Variants in CHST11 observed in about 807,000 individuals in gnomAD.
CHST11 encodes the protein carbohydrate sulfotransferase 11, also known as C4S-1.
A neutral mutation model predicts 30.4 loss-of-function variants in CHST11; 9 were observed. That is an observed-to-expected ratio of 0.30 (90% CI 0.18 to 0.52). The LOEUF is 0.52. Among genes scored for constraint, CHST11 ranks in the 20% least tolerant of loss-of-function variants. The pLI is 0.97. For missense variants in CHST11, 348 were observed against 460.6 expected, an observed-to-expected ratio of 0.76 and a Z score of 2.24; for synonymous variants, 152 against 187.8, an observed-to-expected ratio of 0.81 and a Z score of 1.56.
Position 104,663,227 on chromosome 12 carries a change from G to A in CHST11, c.204+61236G>A, listed in dbSNP as rs577995835. ...CTCACCTCCGTGCGACTTCCATCTCGTGACGTTCTACTGAATCTGTGATTT... is the reference window on the plus strand; with the variant it reads ...CTCACCTCCGTGCGACTTCCATCTCATGACGTTCTACTGAATCTGTGATTT... On this transcript the variant is annotated intron_variant, in intron 2 of 2. Transcript: ENST00000303694. Among the ~76,000 whole-genome samples the A allele has an allele frequency of 1.2e-4, 18 of 152,304 alleles. No individual in the cohort carries two copies. In the South Asian group the frequency reaches 3.7e-3, roughly 32 times the overall value.
At chr12:104,599,424 C>A (rs1410611909) in intron 1 of CHST11, among the ~76,000 whole-genome samples, 1 of 152,212 alleles carries the variant, frequency 6.6e-6, no homozygotes, top group Non-Finnish European at 1.5e-5. Context: ...TTTAATCTTG[C>A]CCGGCATGGG....
chr12:104,541,114 CCT>C (rs67646775), intron 1 of CHST11, among the ~76,000 whole-genome samples: 6,847 of 147,558 alleles, frequency 0.046, 210 homozygotes, highest in African/African-American at 0.096. Context: ...AGAATCTCTC[CCT>C]CTCTCTCTCT....
At chr12:104,659,233 G>A (rs2039574238) in intron 2 of CHST11, among the ~76,000 whole-genome samples, 1 of 152,206 alleles carries the variant, frequency 6.6e-6, no homozygotes, top group Non-Finnish European at 1.5e-5. Flanking sequence ...GTGACTTTGG[G>A]CAAGTGATGT....
intron 1 of CHST11, among the ~76,000 whole-genome samples, chr12:104,501,273 G>A (rs2037851343): frequency 6.6e-6 from 1 of 152,164 alleles, no homozygotes; most frequent in Admixed American, 6.5e-5. Flanking sequence ...ACAACCTGCT[G>A]CCTGGGAGTT....
At chr12:104,592,402 G>T (rs926654993) in intron 1 of CHST11, among the ~76,000 whole-genome samples, 2 of 152,134 alleles carry the variant, frequency 1.3e-5, no homozygotes, top group Non-Finnish European at 2.9e-5. Context: ...CTGCTTTCTG[G>T]TTCATAGACA....
chr12:104,594,224 C>A (rs1316369114), intron 1 of CHST11, among the ~76,000 whole-genome samples: 5 of 152,034 alleles, frequency 3.3e-5, no homozygotes, highest in Non-Finnish European at 7.4e-5. Flanking sequence ...GGACCTCTGG[C>A]CATTCTGTCC....
chr12:104,504,245 A>T (rs578029034), intron 1 of CHST11, among the ~76,000 whole-genome samples: 3 of 152,164 alleles, frequency 2.0e-5, no homozygotes, highest in Admixed American at 2.0e-4. Context: ...GAAAAGTCCC[A>T]TTTCTCCCCG....
intron 2 of CHST11, among the ~76,000 whole-genome samples, chr12:104,640,008 AAATT>A (rs2039360368): frequency 6.6e-6 from 1 of 152,260 alleles, no homozygotes; most frequent in Non-Finnish European, 1.5e-5. Context: ...AGGGAATTAC[AAATT>A]AAAACAAAAA....
At chr12:104,688,571 A>T (rs1172318193) in intron 2 of CHST11, among the ~76,000 whole-genome samples, 1 of 152,266 alleles carries the variant, frequency 6.6e-6, no homozygotes, top group Admixed American at 6.5e-5. Flanking sequence ...ATGTTAAAAC[A>T]TCAACCTGAA....
chr12:104,610,655 A>G (rs1229228246), intron 2 of CHST11, among the ~76,000 whole-genome samples: 3 of 152,348 alleles, frequency 2.0e-5, no homozygotes, highest in South Asian at 2.1e-4. Flanking sequence ...ACCTTGTCAG[A>G]ATGGATAGAA....
rs551135926 is a variant in CHST11 at position 104,646,489 on chromosome 12, T to C, written c.204+44498T>C. Among the ~76,000 whole-genome samples, 54 of 152,230 alleles carry C rather than the reference T, an allele frequency of 3.5e-4. 1 individual carries two copies. The highest frequency in any genetic ancestry group is 9.2e-4 in the Admixed American group (14 of 15,296). On this transcript the variant is annotated intron_variant, in intron 2 of 2. Coordinates refer to ENST00000303694, the MANE Select transcript of CHST11 (RefSeq NM_018413.6). The stretch of plus-strand genomic sequence containing the variant: ...TGGCTCACCCCTGTAATCCCAGCAC[T>C]TTGGGAGGCCGAGGTGGGTGGATCA...
chr12:104,592,079 G>A (rs1264895218), intron 1 of CHST11, among the ~76,000 whole-genome samples: 5 of 151,230 alleles, frequency 3.3e-5, no homozygotes, highest in Non-Finnish European at 7.4e-5. Context: ...TTTAATACCT[G>A]GCACCTCCTC....
At position 104,590,354 on chromosome 12, in the gene CHST11, G is replaced by A. The variant is rs770673325; in HGVS notation, c.119-11552G>A. ...TATATGTTTTTTAAATAAGTACCTC[G>A]GATGACTCTTATCAGGAAAGTTTAG... On this transcript the variant is annotated intron_variant, in intron 1 of 2. Coordinates refer to ENST00000303694, the MANE Select transcript of CHST11 (RefSeq NM_018413.6). Among the ~76,000 whole-genome samples, 8 of 152,134 alleles carry A rather than the reference G, an allele frequency of 5.3e-5. No individual in the cohort carries two copies. The East Asian group carries it at 7.7e-4, about 15-fold the overall frequency.
chr12:104,678,591 A>G (rs1390449934), intron 2 of CHST11, among the ~76,000 whole-genome samples: 1 of 152,248 alleles, frequency 6.6e-6, no homozygotes, highest in African/African-American at 2.4e-5. Flanking sequence ...ATTCAGGTAT[A>G]CTGGAGGTAT....
In CHST11 at chr12:104,686,232, T is replaced by TAAAAAAAAAAAAAAAAAAA. The variant is rs55789725; in HGVS notation, c.205-70700_205-70699insAAAAAAAAAAAAAAAAAAA. ...GATCACAAAGGGAGAACTCACCTCT[T>TAAAAAAAAAAAAAAAAAAA]AAAAAAAAAAAAAAAAAGACAACAT... On this transcript the variant is annotated intron_variant, in intron 2 of 2. Transcript: ENST00000303694. Among the ~76,000 whole-genome samples the TAAAAAAAAAAAAAAAAAAA allele has an allele frequency of 5.2e-4, 52 of 99,114 alleles. 3 individuals carry two copies. The highest frequency in any genetic ancestry group is 1.6e-3 in the African/African-American group (46 of 29,676). The allele number at this position is 99,114 out of a possible 152,430, so 65.0% of individuals were successfully genotyped here.
chr12:104,648,153 T>C lies in CHST11; in HGVS notation c.204+46162T>C, dbSNP rs555689207. On this transcript the variant is annotated intron_variant, in intron 2 of 2. Transcript: ENST00000303694. ...GAGACACCTCAGAGGCTGACTACTGTGTATCCTCTTTCTGCAATAATTGCT... is the reference window on the plus strand; with the variant it reads ...GAGACACCTCAGAGGCTGACTACTGCGTATCCTCTTTCTGCAATAATTGCT... Among the ~76,000 whole-genome samples the C allele has an allele frequency of 2.6e-4, 39 of 152,312 alleles. 2 individuals are homozygous for C. Among genetic ancestry groups the C allele is most frequent in the South Asian group, 1.0e-3 (5 of 4,826 alleles).
chr12:104,459,259 A>T (rs201840078), intron 1 of CHST11, among the ~76,000 whole-genome samples: 5 of 120,276 alleles, frequency 4.2e-5, no homozygotes, highest in Non-Finnish European at 7.8e-5. Flanking sequence ...CCAGACAGCC[A>T]GGGGTATCTC....
rs751476766 is a variant in CHST11 at position 104,692,878 on chromosome 12, T to TA, written c.205-64059dup. On this transcript the variant is annotated intron_variant, in intron 2 of 2. Transcript: ENST00000303694. ...CCCCGCCCCTCCCACCCCCATCCATTAAAAAAAAAAAACAAAAAAAAAACT... is the reference window on the plus strand; with the variant it reads ...CCCCGCCCCTCCCACCCCCATCCATTAAAAAAAAAAAAACAAAAAAAAAACT... 7.6e-3 allele frequency among the ~76,000 whole-genome samples: 607 copies of TA among 79,820 alleles called. 2 individuals carry two copies. Among genetic ancestry groups the TA allele is most frequent in the African/African-American group, 0.017 (362 of 20,800 alleles). The allele number at this position is 79,820 out of a possible 152,430, so 52.4% of individuals were successfully genotyped here.
At chr12:104,604,646 A>G (rs908700897) in intron 2 of CHST11, among the ~76,000 whole-genome samples, 1 of 152,152 alleles carries the variant, frequency 6.6e-6, no homozygotes, top group Non-Finnish European at 1.5e-5. Context: ...GTATTTCCCT[A>G]CCAGCCAAGC....
Sources: gnomAD v4.1 joint callset for allele counts (sites outside exome capture counted in the v4.1 genomes callset) on GRCh38, gnomAD v4.1.1 for gene constraint, MANE v1.5 for transcripts, NCBI Gene and HGNC (gene_info 2026-07-23, HGNC 2026-07-21) for gene names.